The following PPFIBP1 variants were observed in gnomAD, a reference collection of about 807,000 sequenced individuals.
PPFIBP1 encodes the protein liprin-beta-1.
A neutral mutation model predicts 137.8 loss-of-function variants in PPFIBP1; 112 were observed. That is an observed-to-expected ratio of 0.81 (90% confidence interval 0.70 to 0.95). The LOEUF (loss-of-function observed/expected upper bound fraction) is 0.95, where lower values mean the gene tolerates loss of function less well. PPFIBP1 is among the 40% of genes least tolerant of loss of function. The probability of loss-of-function intolerance (pLI) is 0.00; values close to 1 mark genes in which losing one functional copy is unlikely to be tolerated. For missense variants in PPFIBP1, 1,083 were observed against 1,196.6 expected (o/e 0.91, Z 1.40); for synonymous variants, 378 against 417.3 (o/e 0.91, Z 1.15).
intron 8 of PPFIBP1, among the ~76,000 whole-genome samples, chr12:27,655,685 C>T (rs2059154180): frequency 6.6e-6 from 1 of 152,164 alleles, no homozygotes. Context: ...CCTGCCAGTG[C>T]TACTGAAGAC....
At chr12:27,671,589 T>A in intron 14 of PPFIBP1, 43 bp downstream of exon 14, 1 of 1,264,762 alleles carries the variant, frequency 7.9e-7, no homozygotes, top group Non-Finnish European at 1.1e-6. Context: ...TTCAAAAAAG[T>A]AGATCAGCCA....
chr12:27,658,875 C>G, intron 10 of PPFIBP1, 27 bp downstream of exon 10: 1 of 1,600,406 alleles, frequency 6.2e-7, no homozygotes, highest in South Asian at 1.1e-5. Flanking sequence ...TTCCATCAGC[C>G]TTTACATTCA....
chr12:27,555,370 G>T (rs1412960623), intron 1 of PPFIBP1, among the ~76,000 whole-genome samples: 2 of 152,204 alleles, frequency 1.3e-5, no homozygotes, highest in African/African-American at 2.4e-5. Flanking sequence ...TTCTCTAAAT[G>T]TGGCTTTTCT....
At chr12:27,686,923 A>G (rs1383617833) in intron 24 of PPFIBP1, among the ~76,000 whole-genome samples, 2 of 152,218 alleles carry the variant, frequency 1.3e-5, no homozygotes, top group Admixed American at 6.5e-5. Flanking sequence ...ATGTTCACCA[A>G]TGAGCATCAT....
At chr12:27,575,359 G>A (rs557867138) in intron 1 of PPFIBP1, among the ~76,000 whole-genome samples, 1 of 152,258 alleles carries the variant, frequency 6.6e-6, no homozygotes, top group African/African-American at 2.4e-5. Flanking sequence ...ATTTCATTTT[G>A]AAGGCTGAGA....
chr12:27,619,721 A>G (rs941771739), intron 2 of PPFIBP1, among the ~76,000 whole-genome samples: 8 of 152,210 alleles, frequency 5.3e-5, no homozygotes, highest in African/African-American at 1.9e-4. Context: ...ACACAGGGCA[A>G]TAGAAACGTT....
chr12:27,598,165 C>G (rs752376159), intron 2 of PPFIBP1, among the ~76,000 whole-genome samples: 12 of 152,144 alleles, frequency 7.9e-5, no homozygotes, highest in Non-Finnish European at 1.5e-4. Context: ...CTGTATTAGT[C>G]CATTCTCATG....
At chr12:27,626,423 A>C (rs562361543) in intron 2 of PPFIBP1, among the ~76,000 whole-genome samples, 1 of 152,128 alleles carries the variant, frequency 6.6e-6, no homozygotes, top group Non-Finnish European at 1.5e-5. Flanking sequence ...TGTTGTCCCA[A>C]GGAGGAAAGA....
Position 27,679,917 on chromosome 12 carries a change from G to A in PPFIBP1, c.1767-16G>A. On this transcript the variant is annotated splice_polypyrimidine_tract_variant and intron_variant, in intron 20 of 29. Coordinates refer to ENST00000228425, the MANE Select transcript of PPFIBP1 (RefSeq NM_003622.4). ...TCCTCAGGTCTAATACTGGCCATGT[G>A]TGTTGTCTTCTTTAGACTTAGGAGA... 1 of 1,614,008 alleles carries A rather than the reference G, an allele frequency of 6.2e-7. No homozygotes were observed. The highest frequency in any genetic ancestry group is 1.7e-4 in the Middle Eastern group (1 of 6,042).
chr12:27,532,870 A>G (rs1388782443), intron 1 of PPFIBP1, among the ~76,000 whole-genome samples: 1 of 152,220 alleles, frequency 6.6e-6, no homozygotes, highest in African/African-American at 2.4e-5. Flanking sequence ...TGTTTTTAAG[A>G]AAAGAAGAAG....
intron 2 of PPFIBP1, among the ~76,000 whole-genome samples, chr12:27,600,984 C>A (rs1006728392): frequency 5.3e-5 from 8 of 152,068 alleles, no homozygotes; most frequent in Non-Finnish European, 1.0e-4. Flanking sequence ...CTTTTAAAAT[C>A]ATTTCTTTCA....
chr12:27,655,857 T>TA (rs1349675943), intron 8 of PPFIBP1, among the ~76,000 whole-genome samples: 13 of 152,364 alleles, frequency 8.5e-5, no homozygotes, highest in African/African-American at 2.6e-4. Flanking sequence ...GCTGTACTTC[T>TA]TAGCATTGCA....
At chr12:27,603,336 CTGTAAATGGT>C (rs2137832703) in intron 2 of PPFIBP1, among the ~76,000 whole-genome samples, 1 of 152,234 alleles carries the variant, frequency 6.6e-6, no homozygotes, top group African/African-American at 2.4e-5. Flanking sequence ...GTGGGATGTT[CTGTAAATGGT>C]TTATTTTTAT....
chr12:27,658,854 G>T lies in PPFIBP1; in HGVS notation c.844+6G>T. On this transcript the variant is annotated splice_donor_region_variant and intron_variant, in intron 10 of 29. Transcript: ENST00000228425. ...AAAGAAGCTCAAAGAAAAAAGTAAGGTTTGGTGCATTTCCATCAGCCTTTA... is the reference window on the plus strand; with the variant it reads ...AAAGAAGCTCAAAGAAAAAAGTAAGTTTTGGTGCATTTCCATCAGCCTTTA... 1 of 1,612,168 alleles carries T rather than the reference G, an allele frequency of 6.2e-7. No homozygotes were observed. Among genetic ancestry groups the T allele is most frequent in the South Asian group, 1.1e-5 (1 of 90,984 alleles).
Position 27,689,209 on chromosome 12 carries a change from T to C in PPFIBP1, c.2685+6T>C. ...CAGCTACTGCCAAAGTGAAGGTTGGTTCAGGCTCATACGGTTTAATAATTG... is the reference window on the plus strand; with the variant it reads ...CAGCTACTGCCAAAGTGAAGGTTGGCTCAGGCTCATACGGTTTAATAATTG... On this transcript the variant is annotated splice_donor_region_variant and intron_variant, in intron 27 of 29. Transcript: ENST00000228425. 6.4e-7 allele frequency: 1 copy of C among 1,552,710 alleles called. No homozygotes were observed.
intron 2 of PPFIBP1, among the ~76,000 whole-genome samples, chr12:27,597,263 G>A (rs1015674675): frequency 2.6e-5 from 4 of 152,152 alleles, no homozygotes; most frequent in Non-Finnish European, 5.9e-5. Context: ...CGCCTCCCGG[G>A]TTCAAGCAAT....
At chr12:27,587,150 A>C (rs373530607) in intron 2 of PPFIBP1, among the ~76,000 whole-genome samples, 1 of 152,202 alleles carries the variant, frequency 6.6e-6, no homozygotes, top group East Asian at 1.9e-4. Flanking sequence ...AATATTTACC[A>C]ATCTATGAGA....
At chr12:27,668,243 C>T (rs1593255182) in intron 13 of PPFIBP1, among the ~76,000 whole-genome samples, 1 of 152,286 alleles carries the variant, frequency 6.6e-6, no homozygotes, top group East Asian at 1.9e-4. Context: ...GGTGAAGCTC[C>T]TCAGGTACAG....
chr12:27,650,386 A>G (rs1241193535), intron 7 of PPFIBP1, among the ~76,000 whole-genome samples: 21 of 152,204 alleles, frequency 1.4e-4, no homozygotes, highest in Admixed American at 1.2e-3. Flanking sequence ...TAATCTTTTT[A>G]TTAACCTTTA....
Sources: allele counts gnomAD v4.1 joint callset (sites outside exome capture counted in the v4.1 genomes callset), GRCh38; gene constraint gnomAD v4.1.1; transcripts MANE v1.5; gene names NCBI Gene and HGNC (gene_info 2026-07-23, HGNC 2026-07-21).